CDIP1: variants seen among roughly 807,000 people sequenced by gnomAD.
CDIP1 encodes cell death-inducing p53-target protein 1.
In CDIP1, 9 loss-of-function variants were observed where a neutral mutation model predicts 17.7. That is an observed-to-expected ratio of 0.51 (90% confidence interval 0.31 to 0.89). CDIP1 has a LOEUF of 0.89. Among genes scored for constraint, CDIP1 ranks in the 40% least tolerant of loss-of-function variants. The pLI is 0.05. For synonymous variants in CDIP1, 117 were observed against 109.5 expected (o/e 1.07, Z -0.43); for missense variants, 263 against 277.9 (o/e 0.95, Z 0.38).
Position 4,513,020 on chromosome 16 carries a change from G to T in CDIP1, c.286C>A (p.Pro96Thr), listed in dbSNP as rs73496707. The T allele has an allele frequency of 3.8e-3, 6,036 of 1,593,592 alleles. 193 individuals carry two copies. In the African/African-American group the frequency reaches 0.07, roughly 18 times the overall value. ...PGPHPPMGYY[P>T]PGPYTPGPYP... ...GGCCCTGGCGTGTAGGGCCCTGGGG[G>T]GTAGTAGCCCATGGGTGGGTGGGGG... The change falls in exon 5 of 6, where the codon CCC becomes ACC. Residue 96 changes from proline to threonine, a missense_variant. Pro to Thr is a conservative substitution (Grantham distance 38). Transcript: ENST00000567695. This position sits in a 1 kb window ranked among gnomAD's most constrained non-coding sequence, Gnocchi z 4.1.
chr16:4,513,866 G>T lies in CDIP1; in HGVS notation c.86-15C>A. The stretch of plus-strand genomic sequence containing the variant: ...GGAGGAACGGCCTGGACAGAGAGAG[G>T]CAGAAAGAGGAGACTGAGCTGGAGC... On this transcript the variant is annotated splice_polypyrimidine_tract_variant and intron_variant, in intron 3 of 5. Transcript: ENST00000567695. This position sits in a 1 kb window ranked among gnomAD's most constrained non-coding sequence, Gnocchi z 4.1. 1.3e-6 allele frequency: 2 copies of T among 1,545,712 alleles called. No individual in the cohort carries two copies. The highest frequency in any genetic ancestry group is 1.7e-6 in the Non-Finnish European group (2 of 1,148,540).
Position 4,513,865 on chromosome 16 carries a change from G to T in CDIP1, c.86-14C>A. ...GGGAGGAACGGCCTGGACAGAGAGA[G>T]GCAGAAAGAGGAGACTGAGCTGGAG... On this transcript the variant is annotated splice_polypyrimidine_tract_variant and intron_variant, in intron 3 of 5. Transcript: ENST00000567695. This position sits in a 1 kb window ranked among gnomAD's most constrained non-coding sequence, Gnocchi z 4.1. The T allele has an allele frequency of 6.5e-7, 1 of 1,546,084 alleles. No homozygotes were observed. Among genetic ancestry groups the T allele is most frequent in the Non-Finnish European group, 8.7e-7 (1 of 1,148,790 alleles).
Position 4,512,339 on chromosome 16 carries a change from C to T in CDIP1, c.*233G>A. The T allele has an allele frequency of 1.7e-6, 1 of 589,718 alleles. No homozygotes were observed. Among genetic ancestry groups the T allele is most frequent in the East Asian group, 2.8e-5 (1 of 35,328 alleles). The allele number at this position is 589,718 out of a possible 1,614,324, so 36.5% of individuals were successfully genotyped here. On this transcript the variant is annotated 3_prime_UTR_variant, in exon 6 of 6. Coordinates refer to ENST00000567695, the MANE Select transcript of CDIP1 (RefSeq NM_013399.3). This position sits in a 1 kb window ranked among gnomAD's most constrained non-coding sequence, Gnocchi z 4.6. ...ACACACCAAGCAGACCAACAACACA[C>T]AAGCTCATTGTCAGCCCCCTGCCAC...
chr16:4,515,544 A>G (rs2058879105), intron 1 of CDIP1, among the ~76,000 whole-genome samples: 2 of 152,244 alleles, frequency 1.3e-5, no homozygotes, highest in Admixed American at 6.5e-5. Flanking sequence ...TAGATCTGAT[A>G]AAGGACTTGT....
At chr16:4,524,802 T>C (rs1282234944) in intron 1 of CDIP1, among the ~76,000 whole-genome samples, 1 of 152,192 alleles carries the variant, frequency 6.6e-6, no homozygotes, top group Non-Finnish European at 1.5e-5. Flanking sequence ...TTAACAAGTG[T>C]CATTACAAAT....
intron 1 of CDIP1, among the ~76,000 whole-genome samples, chr16:4,534,929 G>A (rs2059092756): frequency 6.6e-6 from 1 of 151,860 alleles, no homozygotes. Context: ...TGTTGGTCAG[G>A]CTGGTCTCAA....
intron 1 of CDIP1, among the ~76,000 whole-genome samples, chr16:4,525,104 C>T (rs2058986799): frequency 6.6e-6 from 1 of 152,076 alleles, no homozygotes; most frequent in Non-Finnish European, 1.5e-5. Context: ...TATCCCCCCT[C>T]CACCACAAAA....
chr16:4,515,334 A>G (rs937422999), intron 1 of CDIP1, among the ~76,000 whole-genome samples: 1 of 152,214 alleles, frequency 6.6e-6, no homozygotes, highest in Non-Finnish European at 1.5e-5. Context: ...ATAAAGTACC[A>G]TGGAAGTTTG....
At chr16:4,536,507 G>C (rs187703400) in intron 1 of CDIP1, 101 of 152,286 alleles carry the variant, frequency 6.6e-4, no homozygotes, top group African/African-American at 1.9e-3. Context: ...GTGATCTGCT[G>C]GGGCAAGCTG....
intron 1 of CDIP1, among the ~76,000 whole-genome samples, chr16:4,528,532 A>G (rs574925651): frequency 8.5e-5 from 13 of 152,074 alleles, no homozygotes; most frequent in Admixed American, 3.3e-4. Context: ...AATGCTCATT[A>G]TAAGTCAGAC....
intron 1 of CDIP1, chr16:4,523,691 G>A (rs1350572821): frequency 6.6e-6 from 1 of 152,264 alleles, no homozygotes; most frequent in Non-Finnish European, 1.5e-5. Context: ...CCGTTCTGGA[G>A]CTCTAACACC....
intron 1 of CDIP1, among the ~76,000 whole-genome samples, chr16:4,520,250 T>C (rs995817961): frequency 6.6e-6 from 1 of 152,112 alleles, no homozygotes; most frequent in Non-Finnish European, 1.5e-5. Context: ...GAGCTGGGAC[T>C]ACAGGCATGC....
chr16:4,512,562 C>G lies in CDIP1; in HGVS notation c.*10G>C, dbSNP rs765544513. The G allele has an allele frequency of 1.2e-6, 2 of 1,604,052 alleles. No individual in the cohort carries two copies. Among genetic ancestry groups the G allele is most frequent in the Non-Finnish European group, 1.7e-6 (2 of 1,171,016 alleles). On this transcript the variant is annotated 3_prime_UTR_variant, in exon 6 of 6. Transcript: ENST00000567695. This position sits in a 1 kb window ranked among gnomAD's most constrained non-coding sequence, Gnocchi z 4.6. ...ACTGACAGGCGGGGGAGTCCCGAGT[C>G]CCAGCTCCGTTAGCACAGGCGCTTG...
At position 4,534,320 on chromosome 16, in the gene CDIP1, C is replaced by T. The variant is rs563664268; in HGVS notation, c.-105+4382G>A. Reference sequence around the variant, plus strand: ...AACACAGCCGCAGCCGAGAGAGACTCCACTGCGTCCTCAGGAAAGTACTTA... The same window carrying T: ...AACACAGCCGCAGCCGAGAGAGACTTCACTGCGTCCTCAGGAAAGTACTTA... On this transcript the variant is annotated intron_variant, in intron 1 of 5. Transcript: ENST00000567695. 1.7e-4 allele frequency among the ~76,000 whole-genome samples: 26 copies of T among 152,346 alleles called. 1 individual carries two copies. Among genetic ancestry groups the T allele is most frequent in the African/African-American group, 6.0e-4 (25 of 41,584 alleles).
At chr16:4,518,665 C>T (rs890639206) in intron 1 of CDIP1, among the ~76,000 whole-genome samples, 12 of 152,158 alleles carry the variant, frequency 7.9e-5, no homozygotes, top group East Asian at 3.8e-4. Context: ...GAAGATTTCC[C>T]GAATTCAAAC....
In CDIP1 at chr16:4,512,311, C is replaced by T; in HGVS notation, c.*261G>A. 1 of 562,358 alleles carries T rather than the reference C, an allele frequency of 1.8e-6. No individual in the cohort carries two copies. The highest frequency in any genetic ancestry group is 3.2e-6 in the Non-Finnish European group (1 of 311,696). 34.8% of individuals were successfully genotyped at this position (562,358 alleles called of 1,614,324 possible). ...ACCCCTCCCAGCTTATCTTCCCGAT[C>T]ACACACACCAAGCAGACCAACAACA... On this transcript the variant is annotated 3_prime_UTR_variant, in exon 6 of 6. Transcript: ENST00000567695. The surrounding 1 kb of genome is among the most constrained non-coding windows in gnomAD (Gnocchi z 4.6).
intron 1 of CDIP1, among the ~76,000 whole-genome samples, chr16:4,527,658 A>G (rs368404505): frequency 2.2e-4 from 33 of 152,224 alleles, no homozygotes; most frequent in East Asian, 1.5e-3. Context: ...TTCCACTTCA[A>G]TGTATTCGTT....
At chr16:4,536,768 T>G (rs1258584553) in intron 1 of CDIP1, 2 of 64,520 alleles carry the variant, frequency 3.1e-5, no homozygotes, top group Admixed American at 1.8e-4. Context: ...ACATGCCATC[T>G]CTACAAAAAA....
At chr16:4,537,905 G>A (rs1379061851) in intron 1 of CDIP1, among the ~76,000 whole-genome samples, 1 of 152,232 alleles carries the variant, frequency 6.6e-6, no homozygotes, top group African/African-American at 2.4e-5. Flanking sequence ...CATCTCCGCC[G>A]GGGATGCGCG....
Sources: allele counts gnomAD v4.1 joint callset (sites outside exome capture counted in the v4.1 genomes callset), GRCh38; gene constraint gnomAD v4.1.1; non-coding constraint Gnocchi (gnomAD v3.1); transcripts MANE v1.5; gene names NCBI Gene and HGNC (gene_info 2026-07-23, HGNC 2026-07-21).